RALGPS1: variants seen among roughly 807,000 people sequenced by gnomAD.
RALGPS1 encodes the protein Ral GEF with PH domain and SH3 binding motif 1.
A neutral mutation model predicts 78.8 loss-of-function variants in RALGPS1; 19 were observed. The observed-to-expected ratio is 0.24, with a 90% CI of 0.17 to 0.35. RALGPS1 has a LOEUF of 0.35. Among genes scored for constraint, RALGPS1 ranks in the 10% least tolerant of loss-of-function variants. The pLI, the probability that RALGPS1 is intolerant of heterozygous loss-of-function variation, is 1.00. For missense variants in RALGPS1, 454 were observed against 688.3 expected, an observed-to-expected ratio of 0.66 and a Z score of 3.81; for synonymous variants, 228 against 256.3, an observed-to-expected ratio of 0.89 and a Z score of 1.06.
chr9:126,941,533 T>C (rs1311669860), intron 1 of RALGPS1, among the ~76,000 whole-genome samples: 1 of 152,226 alleles, frequency 6.6e-6, no homozygotes, highest in African/African-American at 2.4e-5. Flanking sequence ...GCTTTACTTT[T>C]TTCTTTATCA....
chr9:127,084,082 T>TTAAG (rs2051440264), intron 8 of RALGPS1, among the ~76,000 whole-genome samples: 1 of 151,922 alleles, frequency 6.6e-6, no homozygotes, highest in East Asian at 1.9e-4. Flanking sequence ...AGCTAATTGT[T>TTAAG]TAATTAATTA....
chr9:127,123,918 G>C (rs989606370), intron 8 of RALGPS1, among the ~76,000 whole-genome samples: 5 of 152,114 alleles, frequency 3.3e-5, no homozygotes, highest in Admixed American at 1.3e-4. Context: ...AATATTGGTG[G>C]TATCTTTGCT....
intron 8 of RALGPS1, chr9:127,088,767 C>A: frequency 1.4e-6 from 1 of 717,822 alleles, no homozygotes; most frequent in South Asian, 1.8e-5. Context: ...CAGAAAACAC[C>A]GTATCGATTC....
In RALGPS1 at chr9:127,210,657, C is replaced by G. The variant is rs572547830; in HGVS notation, c.1248-1474C>G. 56 of 1,481,472 alleles carry G rather than the reference C, an allele frequency of 3.8e-5. No homozygotes were observed. In the African/African-American group the frequency reaches 6.7e-4, roughly 18 times the overall value. 91.8% of individuals were successfully genotyped at this position (1,481,472 alleles called of 1,614,324 possible). A position where few individuals can be genotyped will look rare whatever the true frequency, so the allele number is the denominator to read the frequency against. The stretch of plus-strand genomic sequence containing the variant: ...CCTCCTTCAGGAGCATCTGGTCTTT[C>G]AAAGCTGTTGCTAAAATTTAACCCT... On this transcript the variant is annotated intron_variant, in intron 14 of 18. Transcript: ENST00000259351.
chr9:127,092,081 C>T (rs2052552972), intron 8 of RALGPS1: 8 of 992,766 alleles, frequency 8.1e-6, no homozygotes, highest in Non-Finnish European at 1.2e-5. Flanking sequence ...GACCCCTACT[C>T]CACCTCTTAA....
At chr9:127,124,485 T>C (rs2153222) in intron 8 of RALGPS1, among the ~76,000 whole-genome samples, 8,071 of 152,192 alleles carry the variant, frequency 0.053, 728 homozygotes, top group African/African-American at 0.18. Flanking sequence ...CCCCACACAC[T>C]GGGGAGCAGA....
In RALGPS1 at chr9:127,196,589, G is replaced by A; in HGVS notation, c.1153G>A (p.Ala385Thr). 1 of 1,613,020 alleles carries A rather than the reference G, an allele frequency of 6.2e-7. No homozygotes were observed. The highest frequency in any genetic ancestry group is 1.7e-4 in the Middle Eastern group (1 of 6,052). Reference protein sequence around the residue: ...LESRSPRRGLALTSSSAVTNG... With the variant: ...LESRSPRRGLTLTSSSAVTNG... The stretch of plus-strand genomic sequence containing the variant: ...GTCCCGCAGCCCCCGAAGGGGCCTG[G>A]CTCTGACCTCCTCCTCTGCTGTCAC... The change falls in exon 13 of 19, where the codon GCT becomes ACT. Residue 385 changes from alanine to threonine, a missense_variant. Transcript: ENST00000259351.
chr9:127,202,390 C>T (rs2061681127), intron 14 of RALGPS1, among the ~76,000 whole-genome samples: 1 of 152,138 alleles, frequency 6.6e-6, no homozygotes, highest in African/African-American at 2.4e-5. Flanking sequence ...TGCAGATGCC[C>T]AGTAGGTCCC....
intron 1 of RALGPS1, among the ~76,000 whole-genome samples, chr9:126,938,162 A>G (rs570927247): frequency 6.6e-6 from 1 of 152,336 alleles, no homozygotes; most frequent in East Asian, 1.9e-4. Flanking sequence ...CACTGTTTAT[A>G]GTGGCAAAAA....
At chr9:126,998,161 T>C (rs889088524) in intron 4 of RALGPS1, among the ~76,000 whole-genome samples, 32 of 152,140 alleles carry the variant, frequency 2.1e-4, no homozygotes, top group African/African-American at 5.8e-4. Flanking sequence ...AAAGCCAGAA[T>C]TGACAAATGG....
At position 127,178,914 on chromosome 9, in the gene RALGPS1, G is replaced by A. The variant is rs536630002; in HGVS notation, c.910+4132G>A. 5.9e-5 allele frequency among the ~76,000 whole-genome samples: 9 copies of A among 152,288 alleles called. 2 individuals carry two copies. In the South Asian group the frequency reaches 1.9e-3, roughly 32 times the overall value. On this transcript the variant is annotated intron_variant, in intron 11 of 18. Transcript: ENST00000259351. ...GGCACAGTTAGTTGTGGGCTTATTT[G>A]CCCATGTCTGTCTGCTCCGCCAGAC...
chr9:127,215,425 T>C (rs1259688565), intron 18 of RALGPS1, among the ~76,000 whole-genome samples: 1 of 152,258 alleles, frequency 6.6e-6, no homozygotes, highest in African/African-American at 2.4e-5. Context: ...AAGGGTGTTA[T>C]GCGAAATGTT....
rs114486185 is a variant in RALGPS1, at chr9:126,962,770, A to G, written c.57+424A>G. On this transcript the variant is annotated intron_variant, in intron 2 of 18. Coordinates refer to ENST00000259351, the MANE Select transcript of RALGPS1 (RefSeq NM_014636.3). ...ATGGTTATAAGGACTGGTGGTCTGC[A>G]GTGGCCTGGGCTAGGGCCCCTGCTG... is the stretch of plus-strand genomic sequence containing the variant. 7.9e-3 allele frequency among the ~76,000 whole-genome samples: 1,201 copies of G among 152,358 alleles called. 23 individuals are homozygous for G. The highest frequency in any genetic ancestry group is 0.027 in the African/African-American group (1,134 of 41,576).
chr9:127,057,838 C>G (rs2048871138), intron 7 of RALGPS1, among the ~76,000 whole-genome samples: 1 of 152,208 alleles, frequency 6.6e-6, no homozygotes, highest in African/African-American at 2.4e-5. Context: ...TGTGCCTAGT[C>G]TGGCTGGCAC....
At chr9:127,068,910 G>A (rs2049943848) in intron 7 of RALGPS1, among the ~76,000 whole-genome samples, 1 of 152,158 alleles carries the variant, frequency 6.6e-6, no homozygotes, top group Non-Finnish European at 1.5e-5. Context: ...GAAAGGGGTG[G>A]TAACATCCAG....
intron 8 of RALGPS1, among the ~76,000 whole-genome samples, chr9:127,114,907 A>G (rs1375801742): frequency 6.6e-6 from 1 of 152,246 alleles, no homozygotes; most frequent in Non-Finnish European, 1.5e-5. Context: ...GAAAACATCA[A>G]CATTAGCTAG....
At chr9:126,954,335 C>T (rs940902112) in intron 1 of RALGPS1, among the ~76,000 whole-genome samples, 1 of 152,220 alleles carries the variant, frequency 6.6e-6, no homozygotes, top group African/African-American at 2.4e-5. Flanking sequence ...AGAACATCTC[C>T]TGGATCCATT....
intron 8 of RALGPS1, among the ~76,000 whole-genome samples, chr9:127,084,230 G>A (rs1181523079): frequency 6.6e-6 from 1 of 152,134 alleles, no homozygotes; most frequent in Admixed American, 6.5e-5. Flanking sequence ...CTGACACGCA[G>A]TCCACTTCTT....
chr9:127,013,580 G>A (rs2044549581), intron 4 of RALGPS1, among the ~76,000 whole-genome samples: 1 of 151,810 alleles, frequency 6.6e-6, no homozygotes, highest in Non-Finnish European at 1.5e-5. Context: ...CTCAACTTTG[G>A]CACTTATCTC....
Sources: allele counts gnomAD v4.1 joint callset (sites outside exome capture counted in the v4.1 genomes callset), GRCh38; gene constraint gnomAD v4.1.1; transcripts MANE v1.5; gene names NCBI Gene and HGNC (gene_info 2026-07-23, HGNC 2026-07-21).